SMAP1: variants seen among roughly 807,000 people sequenced by gnomAD.
SMAP1 encodes the protein small ArfGAP 1.
Under a neutral mutation model 58.5 loss-of-function variants are expected in SMAP1, and 24 were observed. The observed-to-expected ratio is 0.41, with a 90% confidence interval of 0.30 to 0.58. SMAP1 has a LOEUF of 0.58. SMAP1 is among the 20% of genes least tolerant of loss of function. The pLI is 0.29. For missense variants in SMAP1, 563 were observed against 566.3 expected, an observed-to-expected ratio of 0.99 and a Z score of 0.06; for synonymous variants, 216 against 196.6, an observed-to-expected ratio of 1.10 and a Z score of -0.82.
intron 8 of SMAP1, among the ~76,000 whole-genome samples, chr6:70,853,833 T>C (rs1771281624): frequency 6.6e-6 from 1 of 152,204 alleles, no homozygotes; most frequent in Admixed American, 6.5e-5. Flanking sequence ...TAATATTGTG[T>C]CTTTGGAAAG....
intron 7 of SMAP1, among the ~76,000 whole-genome samples, chr6:70,840,893 C>A (rs1177419054): frequency 1.3e-5 from 2 of 152,128 alleles, no homozygotes; most frequent in Admixed American, 6.5e-5. Flanking sequence ...GTATGCACGT[C>A]CTATGTTAAA....
intron 6 of SMAP1, among the ~76,000 whole-genome samples, chr6:70,805,477 T>C (rs144061989): frequency 3.3e-4 from 50 of 152,294 alleles, no homozygotes; most frequent in African/African-American, 1.1e-3. Flanking sequence ...AGTTTGTGAT[T>C]ACCGACTTTT....
chr6:70,810,084 A>G lies in SMAP1; in HGVS notation c.576+11347A>G, dbSNP rs183525604. Among the ~76,000 whole-genome samples, 17 of 152,280 alleles carry G rather than the reference A, an allele frequency of 1.1e-4. No individual in the cohort carries two copies. The East Asian group carries it at 3.3e-3, about 29-fold the overall frequency. On this transcript the variant is annotated intron_variant, in intron 6 of 10. Transcript: ENST00000370455. ...GTAGTACCCCTCAGTAAAAATAAAT[A>G]ATCTGTCTTGTTTGGTAAATGTATA...
intron 3 of SMAP1, among the ~76,000 whole-genome samples, chr6:70,767,012 C>T (rs1481334074): frequency 6.6e-6 from 1 of 151,934 alleles, no homozygotes; most frequent in Non-Finnish European, 1.5e-5. Flanking sequence ...GAATCCTTTC[C>T]CCATTGCTTG....
At chr6:70,822,730 A>G (rs1769942842) in intron 6 of SMAP1, among the ~76,000 whole-genome samples, 1 of 152,006 alleles carries the variant, frequency 6.6e-6, no homozygotes, top group African/African-American at 2.4e-5. Flanking sequence ...TGTTTCAGAT[A>G]TTTCTTACGT....
intron 7 of SMAP1, among the ~76,000 whole-genome samples, chr6:70,838,847 A>G (rs1398030052): frequency 6.6e-6 from 1 of 152,330 alleles, no homozygotes; most frequent in Non-Finnish European, 1.5e-5. Flanking sequence ...TGACTTTTGT[A>G]TTTGAAGAAT....
rs1159812413 is a variant in SMAP1, at chr6:70,729,387, C to T, written c.119-2991C>T. Among the ~76,000 whole-genome samples, 4 of 148,398 alleles carry T rather than the reference C, an allele frequency of 2.7e-5. No individual in the cohort carries two copies. The South Asian group carries it at 8.5e-4, about 32-fold the overall frequency. On this transcript the variant is annotated intron_variant, in intron 1 of 10. Coordinates refer to ENST00000370455, the MANE Select transcript of SMAP1 (RefSeq NM_001044305.3). Reference sequence around the variant, plus strand: ...CTGGGAGGTGGAGCTTGCAGTGAGCCGAGATCACGCCACTGCACTCCAGCC... The same window carrying T: ...CTGGGAGGTGGAGCTTGCAGTGAGCTGAGATCACGCCACTGCACTCCAGCC...
intron 3 of SMAP1, among the ~76,000 whole-genome samples, chr6:70,772,034 C>G (rs572261712): frequency 1.1e-3 from 169 of 152,310 alleles, no homozygotes; most frequent in African/African-American, 3.8e-3. Flanking sequence ...GGTGCACTTA[C>G]ATACACCCAC....
intron 1 of SMAP1, among the ~76,000 whole-genome samples, chr6:70,706,474 T>G (rs1004002739): frequency 6.6e-6 from 1 of 152,178 alleles, no homozygotes; most frequent in Non-Finnish European, 1.5e-5. Flanking sequence ...AACTGGCATA[T>G]TATACTTTTA....
At chr6:70,802,406 G>T (rs761895125) in intron 6 of SMAP1, among the ~76,000 whole-genome samples, 4 of 152,142 alleles carry the variant, frequency 2.6e-5, no homozygotes, top group Non-Finnish European at 5.9e-5. Flanking sequence ...GGAGATTTTA[G>T]GCTGAGACGA....
intron 1 of SMAP1, among the ~76,000 whole-genome samples, chr6:70,706,646 C>A (rs576051849): frequency 1.4e-4 from 22 of 152,068 alleles, no homozygotes; most frequent in Non-Finnish European, 2.8e-4. Flanking sequence ...AATTGCATAA[C>A]CCTATTTGTA....
intron 4 of SMAP1, among the ~76,000 whole-genome samples, chr6:70,783,835 C>G (rs1767877394): frequency 6.6e-6 from 1 of 152,184 alleles, no homozygotes; most frequent in Non-Finnish European, 1.5e-5. Flanking sequence ...ATTGGTGTAC[C>G]TGAAAGTGAC....
At chr6:70,748,065 C>T (rs181508028) in intron 2 of SMAP1, among the ~76,000 whole-genome samples, 4 of 152,210 alleles carry the variant, frequency 2.6e-5, no homozygotes, top group East Asian at 1.9e-4. Flanking sequence ...AGACCAAAAA[C>T]GGTGGCCCTT....
chr6:70,841,826 A>G (rs1352937880), intron 7 of SMAP1, among the ~76,000 whole-genome samples: 1 of 152,214 alleles, frequency 6.6e-6, no homozygotes, highest in East Asian at 1.9e-4. Flanking sequence ...TATATAACCC[A>G]TTTTATTATT....
chr6:70,781,542 A>G (rs1767764485), intron 4 of SMAP1, among the ~76,000 whole-genome samples: 2 of 152,218 alleles, frequency 1.3e-5, no homozygotes, highest in African/African-American at 4.8e-5. Context: ...TAAAATTTCT[A>G]CTTAGAAAAC....
At chr6:70,764,350 C>T (rs568393373) in intron 3 of SMAP1, among the ~76,000 whole-genome samples, 2 of 152,310 alleles carry the variant, frequency 1.3e-5, no homozygotes, top group South Asian at 4.1e-4. Flanking sequence ...GGAGACTAAA[C>T]AGCCTTCTGT....
chr6:70,860,122 G>T, intron 10 of SMAP1, 78 bp from the exon 11 acceptor site: 1 of 1,467,432 alleles, frequency 6.8e-7, no homozygotes, highest in South Asian at 1.5e-5. Flanking sequence ...ATGAAAAAAT[G>T]ACCAACTGTG....
chr6:70,779,487 GC>G (rs1444933211), intron 4 of SMAP1, among the ~76,000 whole-genome samples: 1 of 152,128 alleles, frequency 6.6e-6, no homozygotes, highest in Non-Finnish European at 1.5e-5. Context: ...TAGACTCAGG[GC>G]CTGTGAGGGC....
intron 7 of SMAP1, among the ~76,000 whole-genome samples, chr6:70,839,820 C>A (rs887740382): frequency 4.0e-5 from 6 of 151,488 alleles, no homozygotes; most frequent in Non-Finnish European, 8.8e-5. Context: ...TATTTTCAGA[C>A]TTTTTTTTTA....
Sources: gnomAD v4.1 joint callset for allele counts (sites outside exome capture counted in the v4.1 genomes callset) on GRCh38, gnomAD v4.1.1 for gene constraint, MANE v1.5 for transcripts, NCBI Gene and HGNC (gene_info 2026-07-23, HGNC 2026-07-21) for gene names.